MYO9B: variants seen among roughly 807,000 people sequenced by gnomAD.
MYO9B encodes myosin IXB, also known as unconventional myosin-IXb.
In MYO9B, 71 loss-of-function variants were observed where a neutral mutation model predicts 229.5. The ratio of observed to expected loss-of-function variants is 0.31; its 90% CI spans 0.26 to 0.38. MYO9B has a LOEUF of 0.38. Ranked by LOEUF, MYO9B falls within the 10% of genes least tolerant of loss-of-function variation. The probability of loss-of-function intolerance (pLI) is 1.00; values close to 1 mark genes in which losing one functional copy is unlikely to be tolerated. For synonymous variants in MYO9B, 1,185 were observed against 1,235.8 expected (o/e 0.96, Z 0.86); for missense variants, 2,255 against 2,920.5 (o/e 0.77, Z 5.25).
chr19:17,198,725 A>C (rs1599418758), intron 24 of MYO9B, among the ~76,000 whole-genome samples: 2 of 114,542 alleles, frequency 1.7e-5, no homozygotes, highest in Admixed American at 1.1e-4. Flanking sequence ...ACAGAGGGAG[A>C]CTCCGTCTCA....
intron 17 of MYO9B, among the ~76,000 whole-genome samples, 177 bp downstream of exon 17, chr19:17,185,164 A>T (rs1029995211): frequency 2.6e-5 from 4 of 152,078 alleles, no homozygotes; most frequent in Admixed American, 6.6e-5. Context: ...TCACGAGGTC[A>T]GGAGATTGAG....
intron 2 of MYO9B, among the ~76,000 whole-genome samples, chr19:17,106,168 A>T (rs2057791513): frequency 6.6e-6 from 1 of 152,020 alleles, no homozygotes; most frequent in Non-Finnish European, 1.5e-5. Context: ...GCTAATTTTT[A>T]AATTTTCTGT....
Position 17,152,654 on chromosome 19 carries a change from G to A in MYO9B, c.946G>A (p.Glu316Lys), listed in dbSNP as rs2072491627. The A allele has an allele frequency of 1.9e-6, 3 of 1,613,016 alleles. No homozygotes were observed. The highest frequency in any genetic ancestry group is 1.1e-5 in the South Asian group (1 of 91,010). ...TTCTCTTAATGACAGAGCTGTCGTC[G>A]AGAAATATCTGCTTGAAAAGTCTCG... Reference protein sequence around the residue: ...ESGIVRGAVVEKYLLEKSRLV... With the variant: ...ESGIVRGAVVKKYLLEKSRLV... Residue 316 changes from glutamate to lysine, a missense_variant, in exon 4 of 40, where the codon GAG (glutamate) becomes AAG (lysine). By Grantham distance (56) the Glu-to-Lys change is moderately conservative. Around this residue, in one of 7 missense-constraint regions of MYO9B, gnomAD observed 386 missense variants for 515.2 expected, o/e 0.75. Coordinates refer to ENST00000682292, the MANE Select transcript of MYO9B (RefSeq NM_004145.4).
At position 17,083,620 on chromosome 19, in the gene MYO9B, G is replaced by A. The variant is rs190048047; in HGVS notation, c.-59+7746G>A. 5.3e-3 allele frequency among the ~76,000 whole-genome samples: 798 copies of A among 151,106 alleles called. 3 individuals carry two copies. Among genetic ancestry groups the A allele is most frequent in the Non-Finnish European group, 8.3e-3 (566 of 67,862 alleles). On this transcript the variant is annotated intron_variant, in intron 1 of 39. Transcript: ENST00000682292. ...ACTTTGCGTCTGTCATCATCTGACT[G>A]ACCGAAGTCCTAGGATGCTGCCCTC...
At chr19:17,153,843 C>T (rs1053933773) in intron 4 of MYO9B, 124 bp from the exon 5 acceptor site, 5 of 707,032 alleles carry the variant, frequency 7.1e-6, no homozygotes, top group Admixed American at 2.2e-5. Context: ...TAAGAACTGA[C>T]GTACTGTTTT....
At chr19:17,170,521 G>C (rs1599388220) in intron 11 of MYO9B, among the ~76,000 whole-genome samples, 1 of 151,638 alleles carries the variant, frequency 6.6e-6, no homozygotes, top group South Asian at 2.1e-4. Flanking sequence ...GTTCAGATAA[G>C]AGCATTTGTG....
chr19:17,147,309 G>A (rs867964605), intron 3 of MYO9B, among the ~76,000 whole-genome samples: 3 of 152,138 alleles, frequency 2.0e-5, no homozygotes, highest in Non-Finnish European at 2.9e-5. Context: ...TTGGGAGGCC[G>A]AGGTGGGTGG....
intron 2 of MYO9B, among the ~76,000 whole-genome samples, chr19:17,126,936 G>T (rs1219430082): frequency 2.5e-5 from 1 of 40,516 alleles, no homozygotes. Flanking sequence ...CCCCACCCCC[G>T]GCCTTCCAAA....
Position 17,102,118 on chromosome 19 carries a change from G to A in MYO9B, c.401G>A (p.Arg134His), listed in dbSNP as rs201870397. The change falls in exon 2 of 40, where the codon CGC becomes CAC. Residue 134 changes from arginine (R) to histidine (H), a missense_variant. Physicochemically the swap from Arg to His is conservative, Grantham distance 29 (BLOSUM62 0). This residue lies in a region of MYO9B where 386 missense variants were observed against 515.2 expected (regional missense o/e 0.75). Coordinates refer to ENST00000682292, the MANE Select transcript of MYO9B (RefSeq NM_004145.4). ...GTGGCGCAGGCCACAGCCACCCGGC[G>A]CCTAGTGGAGCGTGGCCTCCTGCCA... ...QLVAQATATRRLVERGLLPRQ... is the reference protein window; with the variant it reads ...QLVAQATATRHLVERGLLPRQ... 1.4e-5 allele frequency: 22 copies of A among 1,613,276 alleles called. No homozygotes were observed. Among genetic ancestry groups the A allele is most frequent in the East Asian group, 4.5e-5 (2 of 44,876 alleles).
chr19:17,109,969 AGAGAGCCAAAGCCTAACCCGGG>A (rs1003878733), intron 2 of MYO9B, among the ~76,000 whole-genome samples: 22 of 152,154 alleles, frequency 1.4e-4, no homozygotes. Context: ...GCCACACCGC[AGAGAGCCAAAGCCTAACCCGGG>A]GTTTGAACCC....
intron 25 of MYO9B, 79 bp from the exon 26 acceptor site, chr19:17,200,560 G>T (rs2073095648): frequency 1.3e-6 from 2 of 1,518,894 alleles, no homozygotes; most frequent in East Asian, 4.9e-5. Flanking sequence ...TCTGGCCCTG[G>T]ATAAAGGCGT....
At chr19:17,192,520 A>C (rs139802300) in intron 20 of MYO9B, among the ~76,000 whole-genome samples, 7,850 of 149,960 alleles carry the variant, frequency 0.052, 323 homozygotes, top group African/African-American at 0.11. Flanking sequence ...ACTTCAACCC[A>C]GTAGGCGGAG....
intron 1 of MYO9B, among the ~76,000 whole-genome samples, chr19:17,081,068 C>G (rs1051974362): frequency 1.2e-4 from 18 of 152,094 alleles, no homozygotes; most frequent in Non-Finnish European, 2.5e-4. Context: ...CACTCTGTCA[C>G]CCAGGCTGGG....
chr19:17,110,888 C>G (rs2057841509), intron 2 of MYO9B, among the ~76,000 whole-genome samples: 2 of 152,080 alleles, frequency 1.3e-5, no homozygotes, highest in African/African-American at 4.8e-5. Context: ...GCAAAGGAAC[C>G]TAGGACTCGT....
intron 1 of MYO9B, among the ~76,000 whole-genome samples, chr19:17,093,340 A>G (rs1250399181): frequency 6.6e-6 from 1 of 152,084 alleles, no homozygotes; most frequent in East Asian, 1.9e-4. Flanking sequence ...TTCAAAAAAA[A>G]AAAAAGAAAA....
intron 2 of MYO9B, among the ~76,000 whole-genome samples, chr19:17,110,168 G>A (rs2057833621): frequency 6.6e-6 from 1 of 152,152 alleles, no homozygotes; most frequent in Non-Finnish European, 1.5e-5. Context: ...GTCGCTGGAT[G>A]CACCCCCTGA....
At chr19:17,085,677 T>A (rs1363079706) in intron 1 of MYO9B, among the ~76,000 whole-genome samples, 3 of 146,358 alleles carry the variant, frequency 2.0e-5, no homozygotes, top group Non-Finnish European at 4.5e-5. Flanking sequence ...AAAAAAAAAA[T>A]TGAAAAATTT....
At chr19:17,132,376 G>A (rs1245253824) in intron 2 of MYO9B, among the ~76,000 whole-genome samples, 6 of 149,710 alleles carry the variant, frequency 4.0e-5, no homozygotes, top group African/African-American at 9.8e-5. Context: ...TAGTAGAGAC[G>A]GGGTTCCACC....
intron 2 of MYO9B, among the ~76,000 whole-genome samples, chr19:17,106,397 T>C (rs8100351): frequency 0.14 from 21,998 of 152,152 alleles, 1,912 homozygotes; most frequent in Non-Finnish European, 0.2. Flanking sequence ...TCTCCCCAGG[T>C]AGAACTCGGG....
Sources: gnomAD v4.1 joint callset for allele counts (sites outside exome capture counted in the v4.1 genomes callset) on GRCh38, gnomAD v4.1.1 for gene constraint, gnomAD v4.1.1 regional missense constraint, MANE v1.5 for transcripts, NCBI Gene and HGNC (gene_info 2026-07-23, HGNC 2026-07-21) for gene names.